ITGAL: variants seen among roughly 807,000 people sequenced by gnomAD.
ITGAL encodes the protein integrin alpha-L.
In ITGAL, 68 loss-of-function variants were observed where a neutral mutation model predicts 138.4. The observed-to-expected ratio is 0.49, with a 90% CI of 0.40 to 0.60. The LOEUF (loss-of-function observed/expected upper bound fraction) is 0.60, where lower values mean the gene tolerates loss of function less well. ITGAL is among the 20% of genes least tolerant of loss of function. ITGAL has a pLI of 0.00. For synonymous variants in ITGAL, 561 were observed against 584.3 expected (o/e 0.96, Z 0.57); for missense variants, 1,256 against 1,478.6 (o/e 0.85, Z 2.47).
chr16:30,487,614 A>G (rs141089398), intron 9 of ITGAL, among the ~76,000 whole-genome samples: 1,584 of 150,524 alleles, frequency 0.011, 28 homozygotes, highest in African/African-American at 0.036. Context: ...GTTTCACCAT[A>G]TTGGCCAGGC....
At chr16:30,483,718 G>A in intron 7 of ITGAL, 109 bp from the exon 8 acceptor site, 1 of 1,229,542 alleles carries the variant, frequency 8.1e-7, no homozygotes, top group East Asian at 2.4e-5. Context: ...GGAGATCCAG[G>A]AAGGGCTTTT....
chr16:30,519,689 T>C (rs2051222386), intron 29 of ITGAL, 168 bp from the exon 30 acceptor site: 1 of 641,104 alleles, frequency 1.6e-6, no homozygotes, highest in South Asian at 1.7e-5. Context: ...GGCCAACTCA[T>C]GGCAGCGACT....
At chr16:30,484,402 A>T in intron 9 of ITGAL, 139 bp downstream of exon 9, 1 of 747,556 alleles carries the variant, frequency 1.3e-6, no homozygotes, top group Non-Finnish European at 2.1e-6. Flanking sequence ...TGAGCTCAGG[A>T]GTTTGAGACC....
chr16:30,516,534 G>T (rs1039353838), intron 25 of ITGAL, among the ~76,000 whole-genome samples: 2 of 152,084 alleles, frequency 1.3e-5, no homozygotes, highest in African/African-American at 4.8e-5. Flanking sequence ...TAGGCACTGT[G>T]TCAAGCAGTA....
rs1421426522 is a variant in ITGAL at position 30,521,942 on chromosome 16, GA to G, written c.*279del. ...TCTCTTGGTTTCCTTCCTTGGAAGAGAATGTCTGATCTAAATGTGGAGAAAC... is the reference window on the plus strand; with the variant it reads ...TCTCTTGGTTTCCTTCCTTGGAAGAGATGTCTGATCTAAATGTGGAGAAAC... On this transcript the variant is annotated 3_prime_UTR_variant, in exon 31 of 31. Coordinates refer to ENST00000356798, the MANE Select transcript of ITGAL (RefSeq NM_002209.3). 2.5e-6 allele frequency: 1 copy of G among 407,812 alleles called. No individual in the cohort carries two copies. Among genetic ancestry groups the G allele is most frequent in the East Asian group, 4.4e-5 (1 of 22,630 alleles). 25.3% of individuals were successfully genotyped at this position (407,812 alleles called of 1,614,324 possible).
At position 30,494,107 on chromosome 16, in the gene ITGAL, C is replaced by T; in HGVS notation, c.1214-105C>T. On this transcript the variant is annotated intron_variant, in intron 11 of 30. Transcript: ENST00000356798. The surrounding 1 kb of genome is among the most constrained non-coding windows in gnomAD (Gnocchi z 4.2). Reference sequence around the variant, plus strand: ...GAGAAGGTCTTCAGCTGTTTCCATGCATCTCTGCTACTAACCCAATTCCCT... The same window carrying T: ...GAGAAGGTCTTCAGCTGTTTCCATGTATCTCTGCTACTAACCCAATTCCCT... The T allele has an allele frequency of 1.1e-6, 1 of 927,870 alleles. No individual in the cohort carries two copies. The highest frequency in any genetic ancestry group is 1.6e-6 in the Non-Finnish European group (1 of 611,646). The allele number at this position is 927,870 out of a possible 1,614,324, so 57.5% of individuals were successfully genotyped here.
chr16:30,494,875 A>T lies in ITGAL; in HGVS notation c.1503+25A>T, dbSNP rs1454318956. On this transcript the variant is annotated intron_variant, in intron 13 of 30. Coordinates refer to ENST00000356798, the MANE Select transcript of ITGAL (RefSeq NM_002209.3). The surrounding 1 kb of genome is among the most constrained non-coding windows in gnomAD (Gnocchi z 4.2). ...GGTGGGGCCAGGATCTGGAGCTGAG[A>T]GGGAGGAGGGAGAGCAGCAGAGATT... 2 of 1,569,750 alleles carry T rather than the reference A, an allele frequency of 1.3e-6. No individual in the cohort carries two copies. Among genetic ancestry groups the T allele is most frequent in the Non-Finnish European group, 8.7e-7 (1 of 1,152,192 alleles).
At chr16:30,492,312 G>A (rs971700839) in intron 11 of ITGAL, among the ~76,000 whole-genome samples, 10 of 149,758 alleles carry the variant, frequency 6.7e-5, no homozygotes, top group Non-Finnish European at 1.5e-4. Flanking sequence ...GTGAAGTGGC[G>A]CGATCTTAGC....
chr16:30,485,028 C>G (rs1170130312), intron 9 of ITGAL, among the ~76,000 whole-genome samples: 1 of 152,142 alleles, frequency 6.6e-6, no homozygotes, highest in Non-Finnish European at 1.5e-5. Flanking sequence ...GTGCCAAGGG[C>G]TTGCCTAAAT....
At position 30,506,708 on chromosome 16, in the gene ITGAL, C is replaced by A. The variant is rs1306541389; in HGVS notation, c.2367-7C>A. On this transcript the variant is annotated splice_region_variant and splice_polypyrimidine_tract_variant and intron_variant, in intron 20 of 30. Coordinates refer to ENST00000356798, the MANE Select transcript of ITGAL (RefSeq NM_002209.3). Reference sequence around the variant, plus strand: ...CTCCTCCATCTTTCCCTGATCATCCCCCACAGATCCAGAGCCCTGCGTCTA... The same window carrying A: ...CTCCTCCATCTTTCCCTGATCATCCACCACAGATCCAGAGCCCTGCGTCTA... 1 of 1,612,108 alleles carries A rather than the reference C, an allele frequency of 6.2e-7. No homozygotes were observed. The highest frequency in any genetic ancestry group is 1.3e-5 in the African/African-American group (1 of 74,824).
intron 17 of ITGAL, among the ~76,000 whole-genome samples, chr16:30,501,423 C>T (rs1226272057): frequency 6.6e-6 from 1 of 151,536 alleles, no homozygotes; most frequent in Non-Finnish European, 1.5e-5. Flanking sequence ...TAAAAATGTA[C>T]AAAATTAGCT....
rs2050826550 is a variant in ITGAL, at chr16:30,497,923, A to G, written c.1833-1151A>G. ...GATCATGCCACTGTACTCCAGCCTG[A>G]GCTACAGAGTGAGATCCTACCACAA... is the stretch of plus-strand genomic sequence containing the variant. On this transcript the variant is annotated intron_variant, in intron 15 of 30. Transcript: ENST00000356798. 2.0e-5 allele frequency among the ~76,000 whole-genome samples: 3 copies of G among 151,004 alleles called. No individual in the cohort carries two copies. In the Admixed American group the frequency reaches 2.0e-4, roughly 10 times the overall value.
rs766182353 is a variant in ITGAL, at chr16:30,499,079, G to A, written c.1838G>A (p.Arg613Gln). ...AESQMIVLSS[R>Q]PVVDMVTLMS... is the part of the protein sequence containing the mutation. Reference sequence around the variant, plus strand: ...GGTTGCCTTCTGCCCTGCAGCTCCCGGCCCGTGGTGGATATGGTCACCCTG... The same window carrying A: ...GGTTGCCTTCTGCCCTGCAGCTCCCAGCCCGTGGTGGATATGGTCACCCTG... The change falls in exon 16 of 31, where the codon CGG (arginine) becomes CAG (glutamine). Residue 613 changes from arginine to glutamine, a missense_variant. By Grantham distance (43) the Arg-to-Gln change is conservative. Coordinates refer to ENST00000356798, the MANE Select transcript of ITGAL (RefSeq NM_002209.3). The A allele has an allele frequency of 1.1e-5, 17 of 1,613,736 alleles. No individual in the cohort carries two copies. Among genetic ancestry groups the A allele is most frequent in the East Asian group, 6.7e-5 (3 of 44,892 alleles).
chr16:30,479,858 C>T (rs1341586044), intron 6 of ITGAL, among the ~76,000 whole-genome samples: 5 of 151,978 alleles, frequency 3.3e-5, no homozygotes, highest in Non-Finnish European at 7.4e-5. Context: ...CACCATGTTG[C>T]CAGGCTGGTC....
At chr16:30,513,116 T>G (rs143623244) in intron 24 of ITGAL, among the ~76,000 whole-genome samples, 10 of 152,306 alleles carry the variant, frequency 6.6e-5, no homozygotes, top group African/African-American at 2.2e-4. Flanking sequence ...AAGTGCGGCT[T>G]GGACTGGGGT....
chr16:30,502,748 C>CAA (rs752065644), intron 17 of ITGAL, among the ~76,000 whole-genome samples: 17 of 105,680 alleles, frequency 1.6e-4, no homozygotes, highest in Non-Finnish European at 1.0e-4. Flanking sequence ...AACTCCATCT[C>CAA]AAAAAAAAAA....
At position 30,494,766 on chromosome 16, in the gene ITGAL, G is replaced by A. The variant is rs1366382519; in HGVS notation, c.1419G>A (p.Gly473=). Residue 473 remains glycine (G), a synonymous_variant, in exon 13 of 31, where the codon GGG becomes GGA. Coordinates refer to ENST00000356798, the MANE Select transcript of ITGAL (RefSeq NM_002209.3). This position sits in a 1 kb window ranked among gnomAD's most constrained non-coding sequence, Gnocchi z 4.2. ...ELCGVDVDQD[G]ETELLLIGAP... Reference sequence around the variant, plus strand: ...GTGGCGTCGACGTGGACCAAGATGGGGAGACAGAGCTGCTGCTGATTGGTG... The same window carrying A: ...GTGGCGTCGACGTGGACCAAGATGGAGAGACAGAGCTGCTGCTGATTGGTG... 4 of 1,613,384 alleles carry A rather than the reference G, an allele frequency of 2.5e-6. No individual in the cohort carries two copies. Among genetic ancestry groups the A allele is most frequent in the Non-Finnish European group, 3.4e-6 (4 of 1,179,624 alleles).
intron 30 of ITGAL, among the ~76,000 whole-genome samples, chr16:30,520,882 C>T (rs2051242977): frequency 1.3e-5 from 2 of 152,238 alleles, no homozygotes; most frequent in East Asian, 1.9e-4. Flanking sequence ...GTCGCGAGTT[C>T]GAGACCAGCC....
Position 30,472,862 on chromosome 16 carries a change from A to T in ITGAL, c.25A>T (p.Met9Leu). The change falls in exon 1 of 31, where the codon ATG becomes TTG. Residue 9 changes from methionine to leucine, a missense_variant. By Grantham distance (15) the Met-to-Leu change is conservative (BLOSUM62 2). This residue lies in a region of ITGAL where 212 missense variants were observed against 217.4 expected (regional missense o/e 0.98). Coordinates refer to ENST00000356798, the MANE Select transcript of ITGAL (RefSeq NM_002209.3). MKDSCITV[M>L]AMALLSGFFF... Reference sequence around the variant, plus strand: ...GATGAAGGATTCCTGCATCACTGTGATGGCCATGGCGCTGCTGTCTGGGTT... The same window carrying T: ...GATGAAGGATTCCTGCATCACTGTGTTGGCCATGGCGCTGCTGTCTGGGTT... 6.2e-7 allele frequency: 1 copy of T among 1,613,022 alleles called. No homozygotes were observed. Among genetic ancestry groups the T allele is most frequent in the Non-Finnish European group, 8.5e-7 (1 of 1,179,824 alleles).
Sources: allele counts gnomAD v4.1 joint callset (sites outside exome capture counted in the v4.1 genomes callset), GRCh38; gene constraint gnomAD v4.1.1; regional missense constraint gnomAD v4.1.1; non-coding constraint Gnocchi (gnomAD v3.1); transcripts MANE v1.5; gene names NCBI Gene and HGNC (gene_info 2026-07-23, HGNC 2026-07-21).